The following UAP1L1 variants were observed in gnomAD, a reference collection of about 807,000 sequenced individuals.
UAP1L1 encodes the protein UDP-N-acetylglucosamine pyrophosphorylase 1 like 1, also known as UDP-N-acetylhexosamine pyrophosphorylase-like protein 1.
A neutral mutation model predicts 45.3 loss-of-function variants in UAP1L1; 45 were observed. That is an observed-to-expected ratio of 0.99 (90% confidence interval 0.78 to 1.27). The LOEUF (loss-of-function observed/expected upper bound fraction) is 1.27, where lower values mean the gene tolerates loss of function less well. Among genes scored for constraint, UAP1L1 ranks in the 50% most tolerant of loss-of-function variants. The probability of loss-of-function intolerance (pLI) is 0.00; values close to 1 mark genes in which losing one functional copy is unlikely to be tolerated. For synonymous variants in UAP1L1, 323 were observed against 303.9 expected, an observed-to-expected ratio of 1.06 and a Z score of -0.65; for missense variants, 667 against 694.0, an observed-to-expected ratio of 0.96 and a Z score of 0.44.
rs1304610804 is a variant in UAP1L1, at chr9:137,082,288, A to G, written c.1431+224A>G. On this transcript the variant is annotated intron_variant, in intron 8 of 8. Transcript: ENST00000409858. This position sits in a 1 kb window ranked among gnomAD's most constrained non-coding sequence, Gnocchi z 5.7. ...GGAGGGCATGGGGATGAGACAGCCC[A>G]GGTCTGAGCCCAGTGTGGGGCCAGT... is the stretch of plus-strand genomic sequence containing the variant. 8.2e-6 allele frequency: 5 copies of G among 610,172 alleles called. No individual in the cohort carries two copies. The highest frequency in any genetic ancestry group is 5.7e-5 in the Admixed American group (2 of 35,322). The allele number at this position is 610,172 out of a possible 1,614,324, so 37.8% of individuals were successfully genotyped here. A position where few individuals can be genotyped will look rare whatever the true frequency, so the allele number is the denominator to read the frequency against.
At chr9:137,081,902 G>A in intron 7 of UAP1L1, 96 bp from the exon 8 acceptor site, 1 of 1,162,212 alleles carries the variant, frequency 8.6e-7, no homozygotes. Flanking sequence ...GGGGAGCCAG[G>A]TGTGTAGAGC....
In UAP1L1 at chr9:137,079,317, C is replaced by A; in HGVS notation, c.905C>A (p.Pro302His). The stretch of plus-strand genomic sequence containing the variant: ...GTGGTGTGCCAGGTGGACGGTGTCC[C>A]CCAGGTGGTGGAGTACAGCGAGATC... The part of the protein sequence containing the change: ...VGVVCQVDGV[P>H]QVVEYSEISP... The change falls in exon 5 of 9, where the codon CCC becomes CAC. Residue 302 changes from proline (P) to histidine (H), a missense_variant. Physicochemically the swap from Pro to His is moderately conservative, Grantham distance 77 (BLOSUM62 -2). Transcript: ENST00000409858. The A allele has an allele frequency of 6.2e-7, 1 of 1,613,190 alleles. No individual in the cohort carries two copies. The highest frequency in any genetic ancestry group is 8.5e-7 in the Non-Finnish European group (1 of 1,179,830).
In UAP1L1 at chr9:137,078,322, A is replaced by G. The variant is rs1832727458; in HGVS notation, c.494+68A>G. 9 of 1,515,172 alleles carry G rather than the reference A, an allele frequency of 5.9e-6. No individual in the cohort carries two copies. In the East Asian group the frequency reaches 2.2e-4, roughly 37 times the overall value. The allele number at this position is 1,515,172 out of a possible 1,614,324, so 93.9% of individuals were successfully genotyped here. A position where few individuals can be genotyped will look rare whatever the true frequency, so the allele number is the denominator to read the frequency against. Reference sequence around the variant, plus strand: ...CCACGCCCCCCCACATCCCCGCTCCAGACGCGAGCCCCAACCCCGGCACAG... The same window carrying G: ...CCACGCCCCCCCACATCCCCGCTCCGGACGCGAGCCCCAACCCCGGCACAG... On this transcript the variant is annotated intron_variant, in intron 2 of 8. Coordinates refer to ENST00000409858, the MANE Select transcript of UAP1L1 (RefSeq NM_207309.3).
chr9:137,077,591 T>C lies in UAP1L1; in HGVS notation c.59T>C (p.Leu20Pro). ...CAGCGCGCTGGCCAGGAGCACCTCC[T>C]GCGCTTCTGGGCCGAGCTGGCGCCG... ...RLQRAGQEHLLRFWAELAPEP... is the reference protein window; with the variant it reads ...RLQRAGQEHLPRFWAELAPEP... The change falls in exon 1 of 9, where the codon CTG (leucine) becomes CCG (proline). Residue 20 changes from leucine to proline, a missense_variant. Leu to Pro is a moderately conservative substitution (Grantham distance 98, BLOSUM62 -3). Coordinates refer to ENST00000409858, the MANE Select transcript of UAP1L1 (RefSeq NM_207309.3). This position sits in a 1 kb window ranked among gnomAD's most constrained non-coding sequence, Gnocchi z 4.7. 2.2e-6 allele frequency: 3 copies of C among 1,389,750 alleles called. No homozygotes were observed. The highest frequency in any genetic ancestry group is 2.8e-6 in the Non-Finnish European group (3 of 1,063,932). 86.1% of individuals were successfully genotyped at this position (1,389,750 alleles called of 1,614,324 possible).
At position 137,080,144 on chromosome 9, in the gene UAP1L1, T is replaced by C; in HGVS notation, c.1178+2T>C. 1 of 1,614,038 alleles carries C rather than the reference T, an allele frequency of 6.2e-7. No individual in the cohort carries two copies. Among genetic ancestry groups the C allele is most frequent in the South Asian group, 1.1e-5 (1 of 91,074 alleles). On this transcript the variant is annotated splice_donor_variant, in intron 6 of 8. Coordinates refer to ENST00000409858, the MANE Select transcript of UAP1L1 (RefSeq NM_207309.3). LOFTEE classifies it high-confidence loss of function. ...GTTTGATGTGTTCCGGTTTGCTAAG[T>C]TAGTAGTAGAACTCATTTATTTTCC...
rs1469715329 is a variant in UAP1L1, at chr9:137,078,527, C to T, written c.520C>T (p.Leu174=). ...PWYVMTSEFT[L]GPTAEFFREH... ...GTACGTCATGACCAGCGAGTTCACT[C>T]TGGGGCCCACGGCCGAGTTCTTCAG... Residue 174 remains leucine, a synonymous_variant, in exon 3 of 9, where the codon CTG becomes TTG. Coordinates refer to ENST00000409858, the MANE Select transcript of UAP1L1 (RefSeq NM_207309.3). The T allele has an allele frequency of 6.2e-7, 1 of 1,613,152 alleles. No homozygotes were observed. The highest frequency in any genetic ancestry group is 8.5e-7 in the Non-Finnish European group (1 of 1,180,014).
chr9:137,080,305 G>A (rs910232372), intron 6 of UAP1L1, 163 bp downstream of exon 6: 13 of 889,298 alleles, frequency 1.5e-5, no homozygotes, highest in Admixed American at 4.9e-5. Flanking sequence ...CTGAGGGTAA[G>A]CAGCCCCTGA....
intron 7 of UAP1L1, among the ~76,000 whole-genome samples, 198 bp downstream of exon 7, chr9:137,081,072 G>A (rs1279234811): frequency 3.9e-5 from 6 of 152,304 alleles, no homozygotes; most frequent in Admixed American, 2.6e-4. Flanking sequence ...CTCCTGGCCC[G>A]ACCCTTCAAG....
chr9:137,080,560 G>T, intron 6 of UAP1L1, 129 bp from the exon 7 acceptor site: 1 of 898,938 alleles, frequency 1.1e-6, no homozygotes, highest in Non-Finnish European at 1.7e-6. Context: ...ACCTGCGGGG[G>T]CTCCTCCCTA....
chr9:137,080,345 T>C (rs1286351611), intron 6 of UAP1L1: 2 of 647,568 alleles, frequency 3.1e-6, no homozygotes, highest in Non-Finnish European at 5.3e-6. Context: ...CTTGGGGCTG[T>C]GGACTTGGGA....
Position 137,080,833 on chromosome 9 carries a change from C to T in UAP1L1, c.1323C>T (p.Arg441=), listed in dbSNP as rs967287786. The change falls in exon 7 of 9, where the codon CGC becomes CGT. Residue 441 remains arginine (R), a synonymous_variant. Coordinates refer to ENST00000409858, the MANE Select transcript of UAP1L1 (RefSeq NM_207309.3). ...GGTGGGCTCTGCGGGCCGGGGCCCGCTTCCTGGATGCCCATGGGGCCTGGC... is the reference window on the plus strand; with the variant it reads ...GGTGGGCTCTGCGGGCCGGGGCCCGTTTCCTGGATGCCCATGGGGCCTGGC... ...HYRWALRAGA[R]FLDAHGAWLP... is the part of the protein sequence containing the mutation. 5.0e-6 allele frequency: 8 copies of T among 1,607,798 alleles called. No individual in the cohort carries two copies. Among genetic ancestry groups the T allele is most frequent in the African/African-American group, 1.3e-5 (1 of 74,980 alleles).
rs1357810207 is a variant in UAP1L1 at position 137,084,094 on chromosome 9, A to G, written c.*1365A>G. 2.0e-5 allele frequency: 3 copies of G among 152,296 alleles called. No individual in the cohort carries two copies. The highest frequency in any genetic ancestry group is 4.4e-5 in the Non-Finnish European group (3 of 68,098). 9.4% of individuals were successfully genotyped at this position (152,296 alleles called of 1,614,324 possible). A position where few individuals can be genotyped will look rare whatever the true frequency, so the allele number is the denominator to read the frequency against. On this transcript the variant is annotated 3_prime_UTR_variant, in exon 9 of 9. Coordinates refer to ENST00000409858, the MANE Select transcript of UAP1L1 (RefSeq NM_207309.3). ...GGCTCTGCCCTTCTTACTGCAAACC[A>G]TGCTGTGCCTTAGGGCCCTTCTCAT...
At chr9:137,079,484 A>G in intron 5 of UAP1L1, 35 bp downstream of exon 5, 10 of 1,556,216 alleles carry the variant, frequency 6.4e-6, no homozygotes, top group South Asian at 1.2e-5. Flanking sequence ...ATTGCCGGCC[A>G]GAGCCGCCTG....
In UAP1L1 at chr9:137,079,309, C is replaced by T. The variant is rs1223863991; in HGVS notation, c.897C>T (p.Asp299=). ...CCGTGGGCGTGGTGTGCCAGGTGGA[C>T]GGTGTCCCCCAGGTGGTGGAGTACA... The part of the protein sequence containing the change: ...EEPVGVVCQV[D]GVPQVVEYSE... Residue 299 remains aspartate (D), a synonymous_variant, in exon 5 of 9, where the codon GAC becomes GAT. Coordinates refer to ENST00000409858, the MANE Select transcript of UAP1L1 (RefSeq NM_207309.3). The T allele has an allele frequency of 8.7e-6, 14 of 1,612,770 alleles. No individual in the cohort carries two copies. The highest frequency in any genetic ancestry group is 1.3e-5 in the African/African-American group (1 of 74,910).
At chr9:137,081,882 C>T (rs1044297762) in intron 7 of UAP1L1, 116 bp from the exon 8 acceptor site, 1 of 960,386 alleles carries the variant, frequency 1.0e-6, no homozygotes, top group African/African-American at 1.6e-5. Flanking sequence ...CTTGCTGAGA[C>T]AGGAGCTGTG....
Position 137,080,771 on chromosome 9 carries a change from C to T in UAP1L1, c.1261C>T (p.Arg421Cys), listed in dbSNP as rs202214815. 47 of 1,612,792 alleles carry T rather than the reference C, an allele frequency of 2.9e-5. No homozygotes were observed. The highest frequency in any genetic ancestry group is 3.7e-5 in the Non-Finnish European group (44 of 1,179,960). Residue 421 changes from arginine to cysteine, a missense_variant, in exon 7 of 9, where the codon CGC becomes TGC. Arg to Cys is a radical substitution (Grantham distance 180). Transcript: ENST00000409858. The stretch of plus-strand genomic sequence containing the variant: ...AGAGCCAGCCGACAGGGACAGTCCC[C>T]GCACCGCTCGCCAGGCCCTGCTCAC... ...NAEPADRDSP[R>C]TARQALLTQH...
In UAP1L1 at chr9:137,080,892, G is replaced by A. The variant is rs2131543233; in HGVS notation, c.1364+18G>A. On this transcript the variant is annotated intron_variant, in intron 7 of 8. Transcript: ENST00000409858. ...CTGCCCAGGTGAGTGTGGCCCTGGG[G>A]TAGCTACAGCCAGAAGGGGAGGGCT... is the stretch of plus-strand genomic sequence containing the variant. The A allele has an allele frequency of 1.5e-5, 23 of 1,554,486 alleles. No homozygotes were observed. Among genetic ancestry groups the A allele is most frequent in the Non-Finnish European group, 1.9e-5 (22 of 1,156,698 alleles).
In UAP1L1 at chr9:137,080,848, TG is replaced by T. The variant is rs1224072047; in HGVS notation, c.1342del (p.Ala448ProfsTer32). The T allele has an allele frequency of 6.2e-7, 1 of 1,604,412 alleles. No homozygotes were observed. The highest frequency in any genetic ancestry group is 8.5e-7 in the Non-Finnish European group (1 of 1,178,486). On this transcript the variant is annotated frameshift_variant, in exon 7 of 9. Coordinates refer to ENST00000409858, the MANE Select transcript of UAP1L1 (RefSeq NM_207309.3). LOFTEE classifies it high-confidence loss of function. ...RAGARFLDAH[G>X]AWLPELPSLP... ...CCGGGGCCCGCTTCCTGGATGCCCATGGGGCCTGGCTCCCAGAGCTGCCCAG... is the reference window on the plus strand; with the variant it reads ...CCGGGGCCCGCTTCCTGGATGCCCATGGGCCTGGCTCCCAGAGCTGCCCAG...
Position 137,083,375 on chromosome 9 carries a change from G to T in UAP1L1, c.*646G>T, listed in dbSNP as rs1832822659. ...AGAGCCTGATGTCCATGATCCAGGT[G>T]GCTCTGAGAAGCTTGGCCTGGACAC... On this transcript the variant is annotated 3_prime_UTR_variant, in exon 9 of 9. Coordinates refer to ENST00000409858, the MANE Select transcript of UAP1L1 (RefSeq NM_207309.3). The T allele has an allele frequency of 6.6e-6, 1 of 152,424 alleles. No homozygotes were observed. The highest frequency in any genetic ancestry group is 1.5e-5 in the Non-Finnish European group (1 of 68,186). The allele number at this position is 152,424 out of a possible 1,614,324, so 9.4% of individuals were successfully genotyped here. A position where few individuals can be genotyped will look rare whatever the true frequency, so the allele number is the denominator to read the frequency against.
Sources: gnomAD v4.1 joint callset for allele counts (sites outside exome capture counted in the v4.1 genomes callset) on GRCh38, gnomAD v4.1.1 for gene constraint, Gnocchi (gnomAD v3.1) non-coding constraint, MANE v1.5 for transcripts, NCBI Gene and HGNC (gene_info 2026-07-23, HGNC 2026-07-21) for gene names.